Variants in CES4A observed in about 807,000 individuals in gnomAD.
CES4A encodes the protein carboxylesterase 4A.
Under a neutral mutation model 65.4 loss-of-function variants are expected in CES4A, and 48 were observed. The ratio of observed to expected loss-of-function variants is 0.73; its 90% CI spans 0.58 to 0.93. The LOEUF is 0.93. Ranked by LOEUF, CES4A falls within the 40% of genes least tolerant of loss-of-function variation. The pLI is 0.00. For synonymous variants in CES4A, 247 were observed against 281.8 expected (o/e 0.88, Z 1.24); for missense variants, 685 against 728.5 (o/e 0.94, Z 0.69).
chr16:66,997,589 T>G (rs936578581), intron 2 of CES4A, among the ~76,000 whole-genome samples: 3 of 152,158 alleles, frequency 2.0e-5, no homozygotes, highest in Non-Finnish European at 2.9e-5. Context: ...TGATAATGAC[T>G]AGTTTTTGGC....
chr16:67,002,709 A>G (rs1035176696), intron 5 of CES4A, among the ~76,000 whole-genome samples: 2 of 152,072 alleles, frequency 1.3e-5, no homozygotes, highest in Admixed American at 1.3e-4. Flanking sequence ...CAACTTGGGC[A>G]GTGGAGAGAG....
rs1965196416 is a variant in CES4A at position 67,000,463 on chromosome 16, G to A, written c.261-175G>A. 7.0e-7 allele frequency: 1 copy of A among 1,422,122 alleles called. No homozygotes were observed. The highest frequency in any genetic ancestry group is 9.2e-7 in the Non-Finnish European group (1 of 1,091,898). The allele number at this position is 1,422,122 out of a possible 1,614,324, so 88.1% of individuals were successfully genotyped here. A position where few individuals can be genotyped will look rare whatever the true frequency, so the allele number is the denominator to read the frequency against. On this transcript the variant is annotated intron_variant, in intron 2 of 13. Transcript: ENST00000648724. The surrounding 1 kb of genome is among the most constrained non-coding windows in gnomAD (Gnocchi z 4.2). ...TCCTGAGAGGCCAACCTGCCTCCCA[G>A]TCCTGGGCCCCGGGGCTGGCGGAGG...
At position 67,000,536 on chromosome 16, in the gene CES4A, C is replaced by T; in HGVS notation, c.261-102C>T. The T allele has an allele frequency of 9.5e-6, 14 of 1,470,718 alleles. No homozygotes were observed. Among genetic ancestry groups the T allele is most frequent in the Non-Finnish European group, 1.1e-5 (12 of 1,106,548 alleles). 91.1% of individuals were successfully genotyped at this position (1,470,718 alleles called of 1,614,324 possible). ...GCACATGCGCACGCACACGCACGCG[C>T]ACAGACGCTGCCTGGATTTTGCTTT... On this transcript the variant is annotated intron_variant, in intron 2 of 13. Transcript: ENST00000648724. The surrounding 1 kb of genome is among the most constrained non-coding windows in gnomAD (Gnocchi z 4.2).
rs1567568528 is a variant in CES4A, at chr16:66,991,558, T to C, written c.58+2728T>C. 2.6e-5 allele frequency among the ~76,000 whole-genome samples: 4 copies of C among 152,362 alleles called. No individual in the cohort carries two copies. In the Middle Eastern group the frequency reaches 0.01, roughly 389 times the overall value. ...ATTGTTTTCATAGGTGCTTACATGC[T>C]GCCTCTGGGTAGCAGAGCTGGGATG... On this transcript the variant is annotated intron_variant, in intron 1 of 13. Coordinates refer to ENST00000648724, the Ensembl canonical transcript of CES4A.
downstream of CES4A, among the ~76,000 whole-genome samples, chr16:67,010,226 C>T (rs1374207534): frequency 6.6e-6 from 1 of 151,396 alleles, no homozygotes; most frequent in Non-Finnish European, 1.5e-5. Context: ...CCACCATGCC[C>T]GGCTTATTTT....
At chr16:66,993,779 A>G (rs1282622170) in intron 1 of CES4A, among the ~76,000 whole-genome samples, 1 of 152,174 alleles carries the variant, frequency 6.6e-6, no homozygotes, top group Non-Finnish European at 1.5e-5. Flanking sequence ...TTCTTCCTAG[A>G]AACATGCTGG....
intron 1 of CES4A, among the ~76,000 whole-genome samples, chr16:66,995,218 G>C (rs1964743473): frequency 6.6e-6 from 1 of 151,598 alleles, no homozygotes; most frequent in Admixed American, 6.6e-5. Context: ...GTTGAGGCAG[G>C]AGAATGGCGT....
exon 11 of CES4A, chr16:67,005,378 G>T (rs887432943): frequency 4.3e-6 from 7 of 1,613,844 alleles, no homozygotes; most frequent in Non-Finnish European, 5.1e-6. Context: ...ACTGCAGACT[G>T]CTCACTACCA....
At chr16:66,991,946 A>AAAAAAG (rs1246378542) in intron 1 of CES4A, among the ~76,000 whole-genome samples, 4 of 152,194 alleles carry the variant, frequency 2.6e-5, no homozygotes, top group Non-Finnish European at 5.9e-5. Context: ...CTGTCTCTAC[A>AAAAAAG]AAAAAGAAAA....
chr16:66,993,933 C>G (rs1964597404), intron 1 of CES4A, among the ~76,000 whole-genome samples: 1 of 151,474 alleles, frequency 6.6e-6, no homozygotes, highest in Non-Finnish European at 1.5e-5. Context: ...AACCGTGTCT[C>G]TACTAAAAAT....
chr16:67,009,243 C>A, exon 14 of CES4A: 1 of 1,223,034 alleles, frequency 8.2e-7, no homozygotes, highest in Non-Finnish European at 1.1e-6. Flanking sequence ...GTTCTACCCA[C>A]CCCAGTTTAG....
At chr16:66,988,933 A>T in intron 1 of CES4A, 103 bp downstream of exon 1, 1 of 1,366,802 alleles carries the variant, frequency 7.3e-7, no homozygotes, top group Non-Finnish European at 9.8e-7. Context: ...GGGCAGGAGC[A>T]CTTAGACAAG....
intron 2 of CES4A, among the ~76,000 whole-genome samples, chr16:66,999,477 A>G (rs1313400200): frequency 2.6e-5 from 4 of 152,196 alleles, no homozygotes; most frequent in Non-Finnish European, 5.9e-5. Flanking sequence ...AAAACAGCCA[A>G]CTGAAATAAC....
chr16:66,992,637 G>A (rs993760865), intron 1 of CES4A, among the ~76,000 whole-genome samples: 4 of 152,176 alleles, frequency 2.6e-5, no homozygotes, highest in Admixed American at 6.5e-5. Context: ...TAGGACCGGA[G>A]CACAGAACAA....
intron 1 of CES4A, among the ~76,000 whole-genome samples, chr16:66,994,839 CAAA>C (rs530758138): frequency 2.4e-5 from 3 of 126,138 alleles, no homozygotes; most frequent in Non-Finnish European, 5.2e-5. Context: ...AACTCCATCT[CAAA>C]AAAAAAAAAA....
At position 67,003,159 on chromosome 16, in the gene CES4A, A is replaced by C. The variant is rs779060151; in HGVS notation, c.780A>C (p.Pro260=). ...TCAGACTTTTCATCACTAGTAACCC[A>C]CTGAAAGTGGCCAAGGTGAGTGCCT... is the stretch of plus-strand genomic sequence containing the variant. Residue 260 remains proline (P), a synonymous_variant, in exon 6 of 14, where the codon CCA becomes CCC. Coordinates refer to ENST00000648724, the Ensembl canonical transcript of CES4A. The surrounding 1 kb of genome is among the most constrained non-coding windows in gnomAD (Gnocchi z 4.2). 5.0e-6 allele frequency: 8 copies of C among 1,614,050 alleles called. No homozygotes were observed. The highest frequency in any genetic ancestry group is 5.9e-6 in the Non-Finnish European group (7 of 1,179,960).
At chr16:67,008,888 A>G in intron 13 of CES4A, 86 bp from the exon 14 acceptor site, 1 of 1,404,544 alleles carries the variant, frequency 7.1e-7, no homozygotes, top group Non-Finnish European at 9.8e-7. Flanking sequence ...CCAAGTCCCA[A>G]GGGCAAATTA....
At chr16:67,005,947 GA>G in intron 11 of CES4A, 1 of 189,218 alleles carries the variant, frequency 5.3e-6, no homozygotes, top group Non-Finnish European at 1.1e-5. Context: ...GGTGGTCAGG[GA>G]AGGCTTCCTG....
At chr16:67,009,486 T>G (rs945874056) in exon 14 of CES4A, 1 of 198,006 alleles carries the variant, frequency 5.1e-6, no homozygotes, top group Non-Finnish European at 1.0e-5. Context: ...TCCTTGTGAC[T>G]CCTTCTTATG....
Sources: allele counts gnomAD v4.1 joint callset (sites outside exome capture counted in the v4.1 genomes callset), GRCh38; gene constraint gnomAD v4.1.1; non-coding constraint Gnocchi (gnomAD v3.1); transcripts MANE v1.5; gene names NCBI Gene and HGNC (gene_info 2026-07-23, HGNC 2026-07-21).